Variants in FAP observed in about 807,000 individuals in gnomAD.
FAP encodes fibroblast activation protein alpha, also known as prolyl endopeptidase FAP.
FAP carries 110 observed loss-of-function variants against 126.5 expected under a neutral mutation model. The ratio of observed to expected loss-of-function variants is 0.87; its 90% CI spans 0.74 to 1.02. FAP has a LOEUF of 1.02. Ranked by LOEUF, FAP falls within the 50% of genes least tolerant of loss-of-function variation. The probability of loss-of-function intolerance (pLI) is 0.00; values close to 1 mark genes in which losing one functional copy is unlikely to be tolerated. For missense variants in FAP, 919 were observed against 909.2 expected, an observed-to-expected ratio of 1.01 and a Z score of -0.14; for synonymous variants, 334 against 297.3, an observed-to-expected ratio of 1.12 and a Z score of -1.27.
chr2:162,213,168 G>C (rs1365491875), intron 11 of FAP, among the ~76,000 whole-genome samples: 1 of 151,998 alleles, frequency 6.6e-6, no homozygotes, highest in Non-Finnish European at 1.5e-5. Context: ...ATGAGGTCAA[G>C]AGATTGAGAC....
chr2:162,202,824 G>A, intron 14 of FAP, 48 bp downstream of exon 14: 1 of 1,359,232 alleles, frequency 7.4e-7, no homozygotes, highest in Non-Finnish European at 1.1e-6. Flanking sequence ...ATGTCCATCG[G>A]TGCCAATTAA....
Position 162,173,240 on chromosome 2 carries a change from T to A in FAP, c.2035-19A>T, listed in dbSNP as rs778816855. 20 of 1,598,270 alleles carry A rather than the reference T, an allele frequency of 1.3e-5. No individual in the cohort carries two copies. Among genetic ancestry groups the A allele is most frequent in the Middle Eastern group, 1.7e-4 (1 of 6,026 alleles). ...TTGAATTCTGGAAAAGAGAAAAAAA[T>A]TAACATTTTAGTTGCTGCAAGTTCT... On this transcript the variant is annotated intron_variant, in intron 23 of 25. Coordinates refer to ENST00000188790, the MANE Select transcript of FAP (RefSeq NM_004460.5).
intron 2 of FAP, among the ~76,000 whole-genome samples, chr2:162,233,620 G>A (rs952874827): frequency 3.3e-5 from 5 of 151,884 alleles, no homozygotes; most frequent in Non-Finnish European, 7.4e-5. Flanking sequence ...TAGATGCATG[G>A]CCTTTATCGA....
chr2:162,201,912 C>G (rs1688513786), intron 14 of FAP, among the ~76,000 whole-genome samples: 1 of 152,184 alleles, frequency 6.6e-6, no homozygotes, highest in African/African-American at 2.4e-5. Context: ...ATGAATCTCC[C>G]ACCTGTTTTG....
intron 16 of FAP, chr2:162,197,789 A>C (rs76713183): frequency 0.017 from 6,271 of 368,268 alleles, 102 homozygotes; most frequent in Non-Finnish European, 0.023. Context: ...TCTTTAAGCC[A>C]CATACCCCTA....
At chr2:162,243,087 C>A in intron 1 of FAP, 95 bp from the exon 2 acceptor site, 1 of 1,012,448 alleles carries the variant, frequency 9.9e-7, no homozygotes, top group Non-Finnish European at 1.5e-6. Context: ...TTTTCTCTCG[C>A]CCCACAAAGC....
intron 17 of FAP, among the ~76,000 whole-genome samples, chr2:162,192,682 C>T (rs1688093772): frequency 6.6e-6 from 1 of 152,120 alleles, no homozygotes; most frequent in South Asian, 2.1e-4. Flanking sequence ...CACTACAGAG[C>T]AGCTCCACTT....
chr2:162,238,764 T>C (rs1345435749), intron 2 of FAP, among the ~76,000 whole-genome samples: 2 of 152,184 alleles, frequency 1.3e-5, no homozygotes, highest in South Asian at 2.1e-4. Flanking sequence ...GATGATTTTA[T>C]CTCACGTATA....
At chr2:162,205,030 G>A (rs1688649606) in intron 12 of FAP, among the ~76,000 whole-genome samples, 2 of 152,122 alleles carry the variant, frequency 1.3e-5, no homozygotes, top group Admixed American at 6.5e-5. Context: ...GACCCAATGA[G>A]GCCGACTCCT....
At chr2:162,241,354 G>T (rs1340381490) in intron 2 of FAP, among the ~76,000 whole-genome samples, 1 of 151,970 alleles carries the variant, frequency 6.6e-6, no homozygotes, top group Non-Finnish European at 1.5e-5. Flanking sequence ...TTGGAAAGAG[G>T]GTAGGGATTG....
chr2:162,218,535 T>A (rs1689248309), intron 8 of FAP, among the ~76,000 whole-genome samples: 1 of 150,818 alleles, frequency 6.6e-6, no homozygotes, highest in African/African-American at 2.4e-5. Context: ...TCCTAAGAGT[T>A]AAAAAAAACC....
intron 21 of FAP, among the ~76,000 whole-genome samples, chr2:162,180,170 G>C (rs1687648877): frequency 6.6e-6 from 1 of 152,074 alleles, no homozygotes; most frequent in Non-Finnish European, 1.5e-5. Flanking sequence ...AACTAAGCTG[G>C]AGTCAGACTG....
chr2:162,178,271 TTC>T (rs766848887), intron 21 of FAP, among the ~76,000 whole-genome samples: 1 of 152,190 alleles, frequency 6.6e-6, no homozygotes, highest in Non-Finnish European at 1.5e-5. Flanking sequence ...GAGGCTGTTA[TTC>T]TAATAATTTA....
rs1314735673 is a variant in FAP, at chr2:162,173,771, C to T, written c.1986G>A (p.Glu662=). Residue 662 remains glutamate (E), a synonymous_variant, in exon 23 of 26, where the codon GAG becomes GAA. Transcript: ENST00000188790. ...CCTTTGTTGGGAGACCCATGAATCT[C>T]TCTGTGTAGACAGACGCTATAAAAT... The part of the protein sequence containing the change: ...SWEYYASVYT[E]RFMGLPTKDD... 6.2e-7 allele frequency: 1 copy of T among 1,603,188 alleles called. No homozygotes were observed. Among genetic ancestry groups the T allele is most frequent in the South Asian group, 1.1e-5 (1 of 90,786 alleles).
intron 2 of FAP, among the ~76,000 whole-genome samples, chr2:162,237,509 G>A (rs1164018851): frequency 1.3e-5 from 2 of 152,134 alleles, no homozygotes; most frequent in African/African-American, 4.8e-5. Context: ...TGAGAATGAT[G>A]GTTTCCAGCT....
intron 20 of FAP, among the ~76,000 whole-genome samples, chr2:162,186,968 T>C (rs1236994132): frequency 6.6e-6 from 1 of 152,050 alleles, no homozygotes; most frequent in Non-Finnish European, 1.5e-5. Flanking sequence ...CTTCCAGAAA[T>C]TGAGTGATAG....
chr2:162,180,196 G>A (rs1029636816), intron 21 of FAP, among the ~76,000 whole-genome samples: 5 of 152,148 alleles, frequency 3.3e-5, no homozygotes, highest in African/African-American at 1.2e-4. Flanking sequence ...GGCCTTGCAT[G>A]CCAGGAAAGG....
At chr2:162,209,242 T>C (rs1688831143) in intron 12 of FAP, among the ~76,000 whole-genome samples, 1 of 152,182 alleles carries the variant, frequency 6.6e-6, no homozygotes, top group South Asian at 2.1e-4. Context: ...CTTCAAATAC[T>C]AATTGAATTG....
chr2:162,176,382 G>C (rs900480703), intron 21 of FAP: 2 of 152,148 alleles, frequency 1.3e-5, no homozygotes, highest in Non-Finnish European at 2.9e-5. Flanking sequence ...GAATAAAAGA[G>C]GGGGCTCAGA....
Sources: gnomAD v4.1 joint callset for allele counts (sites outside exome capture counted in the v4.1 genomes callset) on GRCh38, gnomAD v4.1.1 for gene constraint, MANE v1.5 for transcripts, NCBI Gene and HGNC (gene_info 2026-07-23, HGNC 2026-07-21) for gene names.